The following SPRR2G variants were observed in gnomAD, a reference collection of about 807,000 sequenced individuals.
SPRR2G encodes small proline rich protein 2G.
SPRR2G carries 1 observed loss-of-function variant against 0.7 expected under a neutral mutation model. The ratio of observed to expected loss-of-function variants is 1.49; its 90% CI spans 0.53 to 7.06. The LOEUF (loss-of-function observed/expected upper bound fraction) is 7.06, where lower values mean the gene tolerates loss of function less well. SPRR2G is among the 30% of genes most tolerant of loss of function. The probability of loss-of-function intolerance (pLI) is 0.14; values close to 1 mark genes in which losing one functional copy is unlikely to be tolerated. For missense variants in SPRR2G, 96 were observed against 88.5 expected, an observed-to-expected ratio of 1.09 and a Z score of -0.34; for synonymous variants, 38 against 33.9, an observed-to-expected ratio of 1.12 and a Z score of -0.42.
chr1:153,190,842 C>G, the SPRR2G span: 2 of 152,126 alleles, frequency 1.3e-5, no homozygotes, highest in African/African-American at 4.8e-5. Context: ...TTCCTCTGGA[C>G]TTTGAACCTA....
the SPRR2G span, among the ~76,000 whole-genome samples, chr1:153,196,846 C>T: frequency 6.6e-6 from 1 of 152,214 alleles, no homozygotes; most frequent in Non-Finnish European, 1.5e-5. Context: ...TCCATTAAGA[C>T]ATCTGCCCCA....
the SPRR2G span, among the ~76,000 whole-genome samples, chr1:153,202,141 G>A: frequency 6.6e-6 from 1 of 152,152 alleles, no homozygotes. Context: ...GAAGTCATTG[G>A]AGCCAATCTG....
the SPRR2G span, among the ~76,000 whole-genome samples, chr1:153,168,904 A>G: frequency 1.9e-3 from 281 of 148,164 alleles, 2 homozygotes; most frequent in African/African-American, 6.0e-3. Context: ...TCATGAGTGT[A>G]TGTGTGTGTG....
chr1:153,175,886 G>A, the SPRR2G span, among the ~76,000 whole-genome samples: 12 of 152,008 alleles, frequency 7.9e-5, no homozygotes, highest in South Asian at 6.2e-4. Flanking sequence ...GTGAAACTCC[G>A]TCTCTACTAA....
the SPRR2G span, among the ~76,000 whole-genome samples, chr1:153,172,691 AC>A: frequency 2.0e-5 from 3 of 152,226 alleles, no homozygotes; most frequent in Non-Finnish European, 2.9e-5. Flanking sequence ...ACTGGGGCAA[AC>A]CCTTTTGTTT....
At chr1:153,202,646 T>C in the SPRR2G span, among the ~76,000 whole-genome samples, 1 of 152,310 alleles carries the variant, frequency 6.6e-6, no homozygotes, top group South Asian at 2.1e-4. Flanking sequence ...GAGATTTTCA[T>C]AATTTCTTTA....
the SPRR2G span, among the ~76,000 whole-genome samples, chr1:153,196,914 G>A: frequency 2.7e-4 from 41 of 152,316 alleles, no homozygotes; most frequent in Middle Eastern, 0.01. Flanking sequence ...TGTCACAGGA[G>A]GAAAAAGGAA....
At chr1:153,152,848 T>G (rs1160803797), upstream of SPRR2G, among the ~76,000 whole-genome samples, 1 of 152,228 alleles carries the variant, frequency 6.6e-6, no homozygotes, top group Admixed American at 6.5e-5. Context: ...TACTAATAGA[T>G]TCCAAAGTTA....
the SPRR2G span, among the ~76,000 whole-genome samples, chr1:153,180,650 G>C: frequency 6.6e-6 from 1 of 152,078 alleles, no homozygotes; most frequent in Non-Finnish European, 1.5e-5. Flanking sequence ...ATAATGACTG[G>C]GTCAGAGGAT....
At chr1:153,172,837 G>A in the SPRR2G span, among the ~76,000 whole-genome samples, 3 of 152,184 alleles carry the variant, frequency 2.0e-5, no homozygotes, top group Admixed American at 1.3e-4. Context: ...TTCCATTAGG[G>A]CTTGGGCTAG....
At chr1:153,168,904 A>ATGTGTGTGTGTGTGTGTGTGTGTGTGTG in the SPRR2G span, among the ~76,000 whole-genome samples, 11 of 148,062 alleles carry the variant, frequency 7.4e-5, no homozygotes, top group South Asian at 4.3e-4. Context: ...TCATGAGTGT[A>ATGTGTGTGTGTGTGTGTGTGTGTGTGTG]TGTGTGTGTG....
chr1:153,194,492 C>T, the SPRR2G span, among the ~76,000 whole-genome samples: 2 of 152,166 alleles, frequency 1.3e-5, no homozygotes, highest in East Asian at 3.8e-4. Context: ...TTACCTCCTG[C>T]CACTTCCACC....
At chr1:153,178,143 T>C in the SPRR2G span, among the ~76,000 whole-genome samples, 246 of 152,298 alleles carry the variant, frequency 1.6e-3, 1 homozygote, top group African/African-American at 5.5e-3. Flanking sequence ...TGATGGTTTA[T>C]AGAAATATAA....
At chr1:153,173,553 A>G in the SPRR2G span, among the ~76,000 whole-genome samples, 2 of 152,196 alleles carry the variant, frequency 1.3e-5, no homozygotes, top group Admixed American at 6.5e-5. Flanking sequence ...CCTCTGCTTG[A>G]AGTCTGTCCA....
chr1:153,156,932 C>T, the SPRR2G span, among the ~76,000 whole-genome samples: 3 of 152,124 alleles, frequency 2.0e-5, no homozygotes, highest in Non-Finnish European at 4.4e-5. Context: ...CTGAATGTCA[C>T]CCTGTGCATA....
chr1:153,173,764 C>T, the SPRR2G span, among the ~76,000 whole-genome samples: 2 of 152,174 alleles, frequency 1.3e-5, no homozygotes, highest in Admixed American at 6.5e-5. Context: ...GTCAGTGATG[C>T]TCCAGGGAGT....
the SPRR2G span, among the ~76,000 whole-genome samples, chr1:153,196,916 A>G: frequency 1.3e-5 from 2 of 152,074 alleles, no homozygotes; most frequent in Admixed American, 1.3e-4. Flanking sequence ...TCACAGGAGG[A>G]AAAAGGAAAC....
At chr1:153,195,367 T>C in the SPRR2G span, among the ~76,000 whole-genome samples, 1 of 152,198 alleles carries the variant, frequency 6.6e-6, no homozygotes, top group Non-Finnish European at 1.5e-5. Context: ...CAAGCAAGGA[T>C]TGGACACGTG....
At chr1:153,192,852 C>A in the SPRR2G span, among the ~76,000 whole-genome samples, 1 of 152,200 alleles carries the variant, frequency 6.6e-6, no homozygotes, top group East Asian at 1.9e-4. Context: ...TAAGAACCCC[C>A]ATCCATCATC....
Sources: gnomAD v4.1 joint callset for allele counts (sites outside exome capture counted in the v4.1 genomes callset) on GRCh38, gnomAD v4.1.1 for gene constraint, MANE v1.5 for transcripts, NCBI Gene and HGNC (gene_info 2026-07-23, HGNC 2026-07-21) for gene names.